Variants in DIAPH2 observed in about 807,000 individuals in gnomAD.
The protein encoded by DIAPH2 is diaphanous related formin 2.
In DIAPH2, 35 loss-of-function variants were observed where a neutral mutation model predicts 92.7. The observed-to-expected ratio is 0.38, with a 90% CI of 0.29 to 0.50. DIAPH2 has a LOEUF of 0.50. Ranked by LOEUF, DIAPH2 falls within the 20% of genes least tolerant of loss-of-function variation. The pLI, the probability that DIAPH2 is intolerant of heterozygous loss-of-function variation, is 0.94. For missense variants in DIAPH2, 701 were observed against 819.5 expected (o/e 0.86, Z 1.77); for synonymous variants, 301 against 280.4 (o/e 1.07, Z -0.73).
chrX:96,705,690 G>A (rs1461673198), intron 1 of DIAPH2, among the ~76,000 whole-genome samples: 1 of 112,081 alleles, frequency 8.9e-6, no homozygotes, highest in African/African-American at 3.2e-5. Flanking sequence ...TATTTTCAAT[G>A]CATTAGAAAC....
chrX:97,030,582 C>T (rs982792111), intron 17 of DIAPH2, among the ~76,000 whole-genome samples: 1 of 110,671 alleles, frequency 9.0e-6, no homozygotes, highest in Admixed American at 9.6e-5. Context: ...TATTTGGCAG[C>T]AGGGGGAAAT....
chrX:97,436,346 T>G (rs758244589), intron 26 of DIAPH2, among the ~76,000 whole-genome samples: 2 of 111,135 alleles, frequency 1.8e-5, no homozygotes, highest in East Asian at 2.8e-4. Flanking sequence ...AGAAGCATTA[T>G]GAAGAAATGA....
At chrX:97,257,348 A>G (rs942107635) in intron 23 of DIAPH2, among the ~76,000 whole-genome samples, 3 of 111,853 alleles carry the variant, frequency 2.7e-5, no homozygotes, top group Non-Finnish European at 3.8e-5. Context: ...AAGCTTTGCA[A>G]AGATCATCAG....
intron 3 of DIAPH2, among the ~76,000 whole-genome samples, chrX:96,749,145 A>AAAAAATAT (rs1252042191): frequency 2.6e-4 from 21 of 79,825 alleles, no homozygotes; most frequent in African/African-American, 9.7e-4. Context: ...AAAAAAAAAA[A>AAAAAATAT]ATATATATAT....
intron 5 of DIAPH2, chrX:96,884,408 C>T: frequency 8.3e-7 from 1 of 1,210,107 alleles, no homozygotes. Context: ...GCAACTCCTG[C>T]TATTAAGACC....
intron 24 of DIAPH2, among the ~76,000 whole-genome samples, chrX:97,371,271 G>T (rs915603347): frequency 9.0e-6 from 1 of 111,363 alleles, no homozygotes; most frequent in African/African-American, 3.3e-5. Flanking sequence ...TTTTTCTCAA[G>T]GGTCTCTTGG....
intron 26 of DIAPH2, among the ~76,000 whole-genome samples, chrX:97,527,373 A>C (rs376282218): frequency 1.7e-4 from 19 of 112,597 alleles, no homozygotes; most frequent in African/African-American, 6.1e-4. Flanking sequence ...GAACTTCATC[A>C]TCCAAACATT....
At chrX:96,915,796 C>T (rs2065499460) in intron 7 of DIAPH2, among the ~76,000 whole-genome samples, 1 of 111,744 alleles carries the variant, frequency 8.9e-6, no homozygotes, top group African/African-American at 3.2e-5. Context: ...CATGCACACA[C>T]ATATTCATGC....
intron 25 of DIAPH2, among the ~76,000 whole-genome samples, chrX:97,411,667 G>A (rs765351791): frequency 1.2e-4 from 14 of 112,070 alleles, no homozygotes; most frequent in Non-Finnish European, 2.1e-4. Context: ...CATCTGATGT[G>A]CAGAGACACA....
chrX:96,826,481 C>G (rs2064817010), intron 4 of DIAPH2, among the ~76,000 whole-genome samples: 1 of 110,637 alleles, frequency 9.0e-6, no homozygotes, highest in Non-Finnish European at 1.9e-5. Flanking sequence ...TTATATAAAG[C>G]AAATAATAAT....
intron 16 of DIAPH2, among the ~76,000 whole-genome samples, chrX:96,958,968 A>G (rs2065830266): frequency 9.0e-6 from 1 of 111,217 alleles, no homozygotes. Context: ...TATTTTCTTT[A>G]TCCATTCATC....
chrX:97,278,519 C>G (rs760796849), intron 23 of DIAPH2, among the ~76,000 whole-genome samples: 1 of 111,216 alleles, frequency 9.0e-6, no homozygotes, highest in South Asian at 3.9e-4. Flanking sequence ...CAACCACTGA[C>G]CTTTTTGATG....
chrX:97,509,054 T>A (rs183772488), intron 26 of DIAPH2, among the ~76,000 whole-genome samples: 130 of 106,108 alleles, frequency 1.2e-3, no homozygotes, highest in African/African-American at 4.3e-3. Flanking sequence ...TTTATTTATT[T>A]ATTATTTTTT....
chrX:97,325,342 G>A (rs7884519), intron 23 of DIAPH2, among the ~76,000 whole-genome samples: 2,534 of 111,120 alleles, frequency 0.023, 89 homozygotes, highest in African/African-American at 0.079. Context: ...CTCAAGGAGA[G>A]AAAATACATA....
At chrX:96,932,572 C>T (rs1328266098) in intron 10 of DIAPH2, among the ~76,000 whole-genome samples, 1 of 109,235 alleles carries the variant, frequency 9.2e-6, no homozygotes, top group Non-Finnish European at 1.9e-5. Context: ...GCCATATAGC[C>T]CTATATAAAA....
At chrX:96,846,846 C>T (rs1480856513) in intron 4 of DIAPH2, among the ~76,000 whole-genome samples, 1 of 106,874 alleles carries the variant, frequency 9.4e-6, no homozygotes, top group Non-Finnish European at 1.9e-5. Flanking sequence ...TGACTGAAAT[C>T]ACAGTTGTCT....
chrX:96,969,926 CG>C (rs2065917247), intron 17 of DIAPH2, among the ~76,000 whole-genome samples: 1 of 111,214 alleles, frequency 9.0e-6, no homozygotes, highest in South Asian at 3.8e-4. Context: ...GGATTTTTAT[CG>C]TGAAGGGATG....
At chrX:97,587,212 T>A (rs971921539) in intron 26 of DIAPH2, among the ~76,000 whole-genome samples, 9 of 109,476 alleles carry the variant, frequency 8.2e-5, no homozygotes, top group Admixed American at 3.9e-4. Flanking sequence ...CTCTTTCGAG[T>A]GCATAAGTCT....
At chrX:97,166,173 C>G (rs1432921369) in intron 22 of DIAPH2, among the ~76,000 whole-genome samples, 1 of 111,204 alleles carries the variant, frequency 9.0e-6, no homozygotes, top group African/African-American at 3.3e-5. Flanking sequence ...ACATTAACTT[C>G]TATTAGTTGG....
Sources: allele counts gnomAD v4.1 joint callset (sites outside exome capture counted in the v4.1 genomes callset), GRCh38; gene constraint gnomAD v4.1.1; transcripts MANE v1.5; gene names NCBI Gene and HGNC (gene_info 2026-07-23, HGNC 2026-07-21).